C10orf90: variants seen among roughly 807,000 people sequenced by gnomAD.
C10orf90 encodes the protein (E2-independent) E3 ubiquitin-conjugating enzyme FATS.
A neutral mutation model predicts 62.5 loss-of-function variants in C10orf90; 56 were observed. The observed-to-expected ratio is 0.90, with a 90% CI of 0.72 to 1.12. The LOEUF (loss-of-function observed/expected upper bound fraction) is 1.12. Ranked by LOEUF, C10orf90 falls within the 50% of genes most tolerant of loss-of-function variation. The pLI is 0.00. For synonymous variants in C10orf90, 386 were observed against 340.4 expected, an observed-to-expected ratio of 1.13 and a Z score of -1.47; for missense variants, 970 against 880.4, an observed-to-expected ratio of 1.10 and a Z score of -1.29.
rs180692619 is a variant in C10orf90 at position 126,598,262 on chromosome 10, T to C, written c.313+48303A>G. Reference sequence around the variant, plus strand: ...CCACTCCTGGCCCTTCTCCAGCAGCTGTAGGACTGGGTAACAGGTCTAGCA... The same window carrying C: ...CCACTCCTGGCCCTTCTCCAGCAGCCGTAGGACTGGGTAACAGGTCTAGCA... On this transcript the variant is annotated intron_variant, in intron 2 of 9. Transcript: ENST00000488181. Among the ~76,000 whole-genome samples, 445 of 151,988 alleles carry C rather than the reference T, an allele frequency of 2.9e-3. 1 individual carries two copies. Among genetic ancestry groups the C allele is most frequent in the South Asian group, 7.7e-3 (37 of 4,806 alleles).
intron 3 of C10orf90, among the ~76,000 whole-genome samples, chr10:126,512,595 G>A (rs576737263): frequency 3.9e-5 from 6 of 152,142 alleles, no homozygotes; most frequent in Non-Finnish European, 8.8e-5. Flanking sequence ...AAGTGTAGCA[G>A]TGGAGCTCAG....
intron 7 of C10orf90, among the ~76,000 whole-genome samples, chr10:126,442,146 C>T (rs1291565061): frequency 2.6e-5 from 4 of 151,934 alleles, no homozygotes; most frequent in Non-Finnish European, 5.9e-5. Flanking sequence ...CAACCATCTG[C>T]TGCCTTCAAG....
intron 2 of C10orf90, among the ~76,000 whole-genome samples, chr10:126,564,961 A>ATATTATATAT: frequency 6.5e-5 from 2 of 30,756 alleles, no homozygotes; most frequent in Non-Finnish European, 5.3e-5. Context: ...TATAAAATAT[A>ATATTATATAT]AAATATATAT....
rs770686506 is a variant in C10orf90 at position 126,513,083 on chromosome 10, CA to C, written c.405+764del. Among the ~76,000 whole-genome samples, 7 of 152,326 alleles carry C rather than the reference CA, an allele frequency of 4.6e-5. No individual in the cohort carries two copies. The East Asian group carries it at 1.3e-3, about 29-fold the overall frequency. ...TTGGCGGCAGAATCTCCATCTGTGA[CA>C]GATAGCAGATGCCTTGTAAACTGTA... On this transcript the variant is annotated intron_variant, in intron 3 of 9. Coordinates refer to ENST00000488181, the MANE Select transcript of C10orf90 (RefSeq NM_001350921.2).
intron 2 of C10orf90, among the ~76,000 whole-genome samples, chr10:126,643,610 C>T (rs539106523): frequency 9.2e-5 from 14 of 152,320 alleles, no homozygotes; most frequent in Non-Finnish European, 1.9e-4. Context: ...AGGGTCCGCA[C>T]GCTCTTGCTG....
intron 2 of C10orf90, chr10:126,521,343 A>T (rs1863732600): frequency 1.2e-6 from 2 of 1,613,922 alleles, no homozygotes; most frequent in Admixed American, 3.3e-5. Flanking sequence ...TTTCAAAGCC[A>T]TTTTACTCAG....
intron 1 of C10orf90, among the ~76,000 whole-genome samples, chr10:126,649,496 C>A (rs1846249239): frequency 6.6e-6 from 1 of 152,130 alleles, no homozygotes; most frequent in Admixed American, 6.5e-5. Flanking sequence ...CCACAGGGCC[C>A]TCGCACGCAT....
At chr10:126,506,493 C>A (rs948719822) in intron 3 of C10orf90, among the ~76,000 whole-genome samples, 1 of 152,238 alleles carries the variant, frequency 6.6e-6, no homozygotes, top group Non-Finnish European at 1.5e-5. Flanking sequence ...GGCCTGAGGG[C>A]ATAACTGGAT....
chr10:126,425,859 T>A lies in C10orf90; in HGVS notation c.*5A>T. The A allele has an allele frequency of 6.2e-7, 1 of 1,613,900 alleles. No individual in the cohort carries two copies. Among genetic ancestry groups the A allele is most frequent in the Non-Finnish European group, 8.5e-7 (1 of 1,179,946 alleles). On this transcript the variant is annotated 3_prime_UTR_variant, in exon 10 of 10. Coordinates refer to ENST00000488181, the MANE Select transcript of C10orf90 (RefSeq NM_001350921.2). ...AGGTAGTGTGGTCAGCAGGGCAGCC[T>A]GTGGTTAGACCGCATTCCTTTGAAG...
Position 126,646,567 on chromosome 10 carries a change from G to A in C10orf90, c.311C>T (p.Ala104Val), listed in dbSNP as rs1358937183. 2 of 450,508 alleles carry A rather than the reference G, an allele frequency of 4.4e-6. No homozygotes were observed. The highest frequency in any genetic ancestry group is 2.0e-5 in the African/African-American group (1 of 49,898). 27.9% of individuals were successfully genotyped at this position (450,508 alleles called of 1,614,324 possible). A position where few individuals can be genotyped will look rare whatever the true frequency, so the allele number is the denominator to read the frequency against. ...CTGGGCAGGCCCCAGTCCTTTACCT[G>A]CATTGGAAAGACTTTCATTTCTTTC... ...AWERNESLSNAGLRDSYHSRR... is the reference protein window; with the variant it reads ...AWERNESLSNVGLRDSYHSRR... Residue 104 changes from alanine (A) to valine (V), a missense_variant and splice_region_variant, in exon 2 of 10, where the codon GCA (alanine) becomes GTA (valine). Ala to Val is a moderately conservative substitution (Grantham distance 64). Coordinates refer to ENST00000488181, the MANE Select transcript of C10orf90 (RefSeq NM_001350921.2).
chr10:126,437,001 C>G (rs1857967277), intron 7 of C10orf90, among the ~76,000 whole-genome samples: 1 of 152,094 alleles, frequency 6.6e-6, no homozygotes, highest in Non-Finnish European at 1.5e-5. Context: ...CATGAAGAAG[C>G]TAATGGCAAT....
At chr10:126,452,272 T>G (rs2134072464) in intron 7 of C10orf90, among the ~76,000 whole-genome samples, 1 of 152,312 alleles carries the variant, frequency 6.6e-6, no homozygotes, top group Admixed American at 6.5e-5. Context: ...AAACTGCTCA[T>G]TTAAAGGAAT....
rs1554886164 is a variant in C10orf90 at position 126,442,481 on chromosome 10, A to ATATATATATATATATATATATATATC, written c.2189-12632_2189-12631insGATATATATATATATATATATATATA. On this transcript the variant is annotated intron_variant, in intron 7 of 9. Coordinates refer to ENST00000488181, the MANE Select transcript of C10orf90 (RefSeq NM_001350921.2). Reference sequence around the variant, plus strand: ...ATAGTAGGGAACTTCAATATTTCATATATATATATATATATATATATATAT... The same window carrying ATATATATATATATATATATATATATC: ...ATAGTAGGGAACTTCAATATTTCATATATATATATATATATATATATATATCTATATATATATATATATATATATAT... 1.0e-3 allele frequency among the ~76,000 whole-genome samples: 61 copies of ATATATATATATATATATATATATATC among 59,124 alleles called. 2 individuals are homozygous for ATATATATATATATATATATATATATC. The highest frequency in any genetic ancestry group is 3.4e-3 in the African/African-American group (56 of 16,326). The allele number at this position is 59,124 out of a possible 152,430, so 38.8% of individuals were successfully genotyped here.
At chr10:126,570,992 C>T (rs1329616811) in intron 2 of C10orf90, among the ~76,000 whole-genome samples, 2 of 152,228 alleles carry the variant, frequency 1.3e-5, no homozygotes, top group Non-Finnish European at 2.9e-5. Context: ...ATTTCCATCC[C>T]ATCCATTTCA....
chr10:126,497,800 T>A (rs1288650753), intron 4 of C10orf90, among the ~76,000 whole-genome samples: 1 of 152,206 alleles, frequency 6.6e-6, no homozygotes, highest in Non-Finnish European at 1.5e-5. Context: ...GAACAATGCA[T>A]AACTAAATTG....
intron 2 of C10orf90, among the ~76,000 whole-genome samples, chr10:126,640,072 TGCATCCTCTTATG>T (rs1182548580): frequency 6.6e-6 from 1 of 152,248 alleles, no homozygotes; most frequent in Non-Finnish European, 1.5e-5. Context: ...CAGACTCAAA[TGCATCCTCTTATG>T]GCCTCCACAG....
chr10:126,436,722 C>T (rs1301742141), intron 7 of C10orf90, among the ~76,000 whole-genome samples: 1 of 152,132 alleles, frequency 6.6e-6, no homozygotes. Context: ...AGTACAGTGG[C>T]ACAATCATGG....
chr10:126,537,987 C>T (rs1011344365), intron 2 of C10orf90, among the ~76,000 whole-genome samples: 3 of 152,038 alleles, frequency 2.0e-5, no homozygotes, highest in African/African-American at 4.8e-5. Flanking sequence ...AAGAAAGCCA[C>T]GTAAAAATGA....
intron 4 of C10orf90, among the ~76,000 whole-genome samples, chr10:126,485,791 C>CA (rs1343032010): frequency 6.8e-6 from 1 of 146,396 alleles, no homozygotes; most frequent in African/African-American, 2.6e-5. Context: ...AAAAAAAATA[C>CA]AAAAAATTAG....
Sources: allele counts gnomAD v4.1 joint callset (sites outside exome capture counted in the v4.1 genomes callset), GRCh38; gene constraint gnomAD v4.1.1; transcripts MANE v1.5; gene names NCBI Gene and HGNC (gene_info 2026-07-23, HGNC 2026-07-21).